MAP3K5: variants seen among roughly 807,000 people sequenced by gnomAD.
MAP3K5 encodes mitogen-activated protein kinase kinase kinase 5.
MAP3K5 carries 56 observed loss-of-function variants against 158.7 expected under a neutral mutation model. That is an observed-to-expected ratio of 0.35 (90% CI 0.28 to 0.44). The LOEUF (loss-of-function observed/expected upper bound fraction) is 0.44. Among genes scored for constraint, MAP3K5 ranks in the 20% least tolerant of loss-of-function variants. The probability of loss-of-function intolerance (pLI) is 1.00; values close to 1 mark genes in which losing one functional copy is unlikely to be tolerated. For synonymous variants in MAP3K5, 579 were observed against 601.7 expected (o/e 0.96, Z 0.55); for missense variants, 1,294 against 1,674.8 (o/e 0.77, Z 3.97).
intron 7 of MAP3K5, among the ~76,000 whole-genome samples, chr6:136,672,867 G>A (rs545160843): frequency 1.7e-4 from 26 of 151,794 alleles, no homozygotes; most frequent in African/African-American, 5.3e-4. Flanking sequence ...GTGTGTGCCC[G>A]CAGTCCCAGC....
Position 136,720,564 on chromosome 6 carries a change from A to G in MAP3K5, c.474T>C (p.Asp158=), listed in dbSNP as rs376144529. Residue 158 remains aspartate, a synonymous_variant, in exon 2 of 30, where the codon GAT becomes GAC. Transcript: ENST00000359015. ...AAAACAAGGACGGCTGCCGGAAGGCATCGCTCATCTCCACCACCGCAATAT... is the reference window on the plus strand; with the variant it reads ...AAAACAAGGACGGCTGCCGGAAGGCGTCGCTCATCTCCACCACCGCAATAT... ...NADIAVVEMS[D]AFRQPSLFYH... 7 of 1,612,270 alleles carry G rather than the reference A, an allele frequency of 4.3e-6. No homozygotes were observed. In the African/African-American group the frequency reaches 5.3e-5, roughly 12 times the overall value.
At chr6:136,597,802 C>A (rs1471983982) in intron 21 of MAP3K5, among the ~76,000 whole-genome samples, 1 of 152,186 alleles carries the variant, frequency 6.6e-6, no homozygotes, top group Non-Finnish European at 1.5e-5. Flanking sequence ...CCTCACACAG[C>A]CATCGGAATG....
intron 1 of MAP3K5, among the ~76,000 whole-genome samples, chr6:136,750,878 G>A (rs1169901981): frequency 6.6e-6 from 1 of 152,104 alleles, no homozygotes; most frequent in African/African-American, 2.4e-5. Flanking sequence ...TTCCTACTTA[G>A]TATTTCGGGA....
chr6:136,637,787 G>C (rs544095870), intron 13 of MAP3K5, among the ~76,000 whole-genome samples: 51 of 152,230 alleles, frequency 3.4e-4, no homozygotes, highest in African/African-American at 1.1e-3. Context: ...CAGACATAAA[G>C]CCGGGAAGCA....
At chr6:136,785,618 G>C (rs1784810733) in intron 1 of MAP3K5, among the ~76,000 whole-genome samples, 1 of 152,202 alleles carries the variant, frequency 6.6e-6, no homozygotes, top group Admixed American at 6.5e-5. Flanking sequence ...CCTAAAGGAA[G>C]TGAAAGTGTT....
At chr6:136,746,207 T>A (rs1283696181) in intron 1 of MAP3K5, among the ~76,000 whole-genome samples, 1 of 152,092 alleles carries the variant, frequency 6.6e-6, no homozygotes, top group Non-Finnish European at 1.5e-5. Context: ...AATGTTCAAG[T>A]TAATAAGTAT....
chr6:136,569,569 C>T lies in MAP3K5; in HGVS notation c.3518-1695G>A, dbSNP rs75511288. Among the ~76,000 whole-genome samples, 955 of 152,308 alleles carry T rather than the reference C, an allele frequency of 6.3e-3. 6 individuals carry two copies. The highest frequency in any genetic ancestry group is 0.04 in the East Asian group (208 of 5,186). ...GGACCCCAACCACTTCCCCACCTCC[C>T]AATCCCTGCCAGATGTCCTGCCTTG... On this transcript the variant is annotated intron_variant, in intron 25 of 29. Transcript: ENST00000359015.
chr6:136,563,324 T>TA (rs1177633579), intron 26 of MAP3K5, among the ~76,000 whole-genome samples: 1 of 152,264 alleles, frequency 6.6e-6, no homozygotes, highest in Non-Finnish European at 1.5e-5. Context: ...GGACCCCCAT[T>TA]AAAAAAAGTT....
chr6:136,724,837 T>C (rs1466498486), intron 1 of MAP3K5, among the ~76,000 whole-genome samples: 3 of 152,172 alleles, frequency 2.0e-5, no homozygotes, highest in Admixed American at 6.5e-5. Flanking sequence ...TACAGTCTAA[T>C]GGGCTTTGAA....
At chr6:136,562,975 TGCCAG>T (rs952828941) in intron 26 of MAP3K5, among the ~76,000 whole-genome samples, 1 of 151,830 alleles carries the variant, frequency 6.6e-6, no homozygotes, top group African/African-American at 2.4e-5. Context: ...TGTGCCACTG[TGCCAG>T]GCCTAGGATG....
chr6:136,723,183 C>T (rs9389430), intron 1 of MAP3K5, among the ~76,000 whole-genome samples: 58,312 of 151,210 alleles, frequency 0.39, 12,462 homozygotes, highest in Middle Eastern at 0.5. Context: ...TGTTTATATA[C>T]GTGTGTATGT....
At chr6:136,563,456 T>C (rs1316771106) in intron 26 of MAP3K5, among the ~76,000 whole-genome samples, 1 of 152,206 alleles carries the variant, frequency 6.6e-6, no homozygotes, top group African/African-American at 2.4e-5. Flanking sequence ...TATAACAAAT[T>C]CTCAGTAAAT....
intron 1 of MAP3K5, among the ~76,000 whole-genome samples, chr6:136,754,216 T>C (rs1048000117): frequency 1.1e-4 from 17 of 150,924 alleles, no homozygotes; most frequent in African/African-American, 3.7e-4. Context: ...GACGTTGCAG[T>C]GAGCCAAGAT....
chr6:136,626,019 T>C (rs1337791978), intron 14 of MAP3K5, among the ~76,000 whole-genome samples: 1 of 152,000 alleles, frequency 6.6e-6, no homozygotes, highest in African/African-American at 2.4e-5. Flanking sequence ...AGATATGACA[T>C]AGGGAAACTA....
intron 23 of MAP3K5, among the ~76,000 whole-genome samples, chr6:136,585,288 T>A (rs537006713): frequency 2.0e-5 from 3 of 151,246 alleles, no homozygotes; most frequent in South Asian, 2.1e-4. Flanking sequence ...TAATTTTTTT[T>A]AAAACTTTTT....
intron 1 of MAP3K5, among the ~76,000 whole-genome samples, chr6:136,763,137 T>G (rs1268265813): frequency 3.3e-5 from 5 of 152,072 alleles, no homozygotes; most frequent in African/African-American, 1.2e-4. Flanking sequence ...GGACCACAGG[T>G]GCACGCCACC....
chr6:136,562,672 T>C, intron 26 of MAP3K5, 57 bp from the exon 27 acceptor site: 2 of 877,684 alleles, frequency 2.3e-6, no homozygotes, highest in South Asian at 3.3e-5. Flanking sequence ...CCTTCTTTTT[T>C]TTATTTTTAT....
chr6:136,573,657 G>A (rs1774468918), intron 25 of MAP3K5, among the ~76,000 whole-genome samples: 1 of 152,174 alleles, frequency 6.6e-6, no homozygotes, highest in African/African-American at 2.4e-5. Flanking sequence ...TGGCTTGATA[G>A]AGAAAGAGGG....
intron 1 of MAP3K5, among the ~76,000 whole-genome samples, chr6:136,768,387 G>A (rs1015768998): frequency 6.6e-6 from 1 of 152,128 alleles, no homozygotes; most frequent in African/African-American, 2.4e-5. Context: ...AATAAGCAAA[G>A]AATCTGAACG....
Sources: gnomAD v4.1 joint callset for allele counts (sites outside exome capture counted in the v4.1 genomes callset) on GRCh38, gnomAD v4.1.1 for gene constraint, MANE v1.5 for transcripts, NCBI Gene and HGNC (gene_info 2026-07-23, HGNC 2026-07-21) for gene names.